The following RYR3 variants were observed in gnomAD, a reference collection of about 807,000 sequenced individuals.
RYR3 encodes brain ryanodine receptor-calcium release channel.
RYR3 carries 207 observed loss-of-function variants against 584.3 expected under a neutral mutation model. The observed-to-expected ratio is 0.35, with a 90% CI of 0.32 to 0.40. The LOEUF is 0.40. Ranked by LOEUF, RYR3 falls within the 10% of genes least tolerant of loss-of-function variation. The pLI, the probability that RYR3 is intolerant of heterozygous loss-of-function variation, is 1.00. For synonymous variants in RYR3, 2,416 were observed against 2,248.5 expected, an observed-to-expected ratio of 1.07 and a Z score of -2.11; for missense variants, 5,616 against 6,089.2, an observed-to-expected ratio of 0.92 and a Z score of 2.59.
intron 58 of RYR3, 92 bp from the exon 59 acceptor site, chr15:33,756,214 A>G (rs2071805610): frequency 1.2e-6 from 1 of 832,508 alleles, no homozygotes; most frequent in Non-Finnish European, 2.0e-6. Flanking sequence ...CTTTTTAAAT[A>G]GCCTTTAGAA....
chr15:33,808,019 CA>C (rs1288267021), intron 70 of RYR3, among the ~76,000 whole-genome samples: 6 of 152,182 alleles, frequency 3.9e-5, no homozygotes, highest in African/African-American at 1.2e-4. Context: ...GAGAGTCTTC[CA>C]AAGCCTACCC....
At chr15:33,860,724 T>G in intron 101 of RYR3, 65 bp downstream of exon 101, 3 of 1,229,824 alleles carry the variant, frequency 2.4e-6, no homozygotes, top group Non-Finnish European at 3.5e-6. Flanking sequence ...ATAGATTTTT[T>G]AAACAATAGG....
intron 3 of RYR3, among the ~76,000 whole-genome samples, chr15:33,508,466 A>G (rs890279310): frequency 2.6e-5 from 4 of 152,026 alleles, no homozygotes; most frequent in South Asian, 2.1e-4. Context: ...TGGCTAACAC[A>G]GTGAAACCCC....
At chr15:33,691,541 GT>G (rs1273633672) in intron 38 of RYR3, among the ~76,000 whole-genome samples, 1 of 151,350 alleles carries the variant, frequency 6.6e-6, no homozygotes, top group Non-Finnish European at 1.5e-5. Context: ...TTTTTCATTT[GT>G]TCAAGTTAAC....
intron 83 of RYR3, 110 bp from the exon 84 acceptor site, chr15:33,826,562 T>C: frequency 4.8e-6 from 5 of 1,048,204 alleles, no homozygotes; most frequent in South Asian, 2.6e-5. Context: ...AAGTTCCTTT[T>C]CCAAACCATT....
At chr15:33,516,571 A>G (rs1190698732) in intron 3 of RYR3, among the ~76,000 whole-genome samples, 1 of 152,048 alleles carries the variant, frequency 6.6e-6, no homozygotes, top group Non-Finnish European at 1.5e-5. Context: ...CCTGACCTCA[A>G]GTGATCCACC....
chr15:33,367,100 T>A (rs1450739939), intron 1 of RYR3, among the ~76,000 whole-genome samples: 3 of 152,240 alleles, frequency 2.0e-5, no homozygotes, highest in Non-Finnish European at 4.4e-5. Context: ...TTACAAAGCC[T>A]ATTTTTATTA....
intron 3 of RYR3, among the ~76,000 whole-genome samples, chr15:33,520,749 G>A (rs1316856957): frequency 6.6e-6 from 1 of 151,802 alleles, no homozygotes; most frequent in African/African-American, 2.4e-5. Context: ...TTGGCTCACT[G>A]TTCTCTCCAT....
intron 3 of RYR3, among the ~76,000 whole-genome samples, chr15:33,526,906 A>G (rs1008373513): frequency 6.6e-6 from 1 of 152,230 alleles, no homozygotes; most frequent in Admixed American, 6.5e-5. Flanking sequence ...CCAGAGAAGA[A>G]TTCTCTCATA....
intron 69 of RYR3, chr15:33,802,213 AT>A: frequency 1.7e-6 from 1 of 579,744 alleles, no homozygotes; most frequent in Admixed American, 2.3e-5. Context: ...TGCCTAAGGC[AT>A]TTGAGAGGTC....
At chr15:33,376,751 G>A (rs993328623) in intron 1 of RYR3, among the ~76,000 whole-genome samples, 2 of 152,116 alleles carry the variant, frequency 1.3e-5, no homozygotes, top group South Asian at 2.1e-4. Context: ...TTTATGGTCC[G>A]AACTTTCACA....
At chr15:33,864,739 A>C (rs759584715) in intron 103 of RYR3, 10 of 190,522 alleles carry the variant, frequency 5.2e-5, no homozygotes, top group Non-Finnish European at 9.8e-5. Flanking sequence ...CAGTTCACTC[A>C]TTCAATGGGA....
chr15:33,646,723 T>C (rs1342002942), intron 29 of RYR3, among the ~76,000 whole-genome samples, 197 bp downstream of exon 29: 1 of 152,238 alleles, frequency 6.6e-6, no homozygotes, highest in African/African-American at 2.4e-5. Flanking sequence ...CAGTGCATAA[T>C]TAAGGCACCA....
intron 1 of RYR3, among the ~76,000 whole-genome samples, chr15:33,453,661 T>C (rs1265504717): frequency 1.3e-5 from 2 of 152,196 alleles, no homozygotes; most frequent in African/African-American, 2.4e-5. Context: ...AAAATATGCA[T>C]GTGGAGTTGC....
chr15:33,344,962 C>T (rs190358453), intron 1 of RYR3, among the ~76,000 whole-genome samples: 5 of 152,360 alleles, frequency 3.3e-5, no homozygotes, highest in Non-Finnish European at 2.9e-5. Flanking sequence ...AATTCTCCCA[C>T]ATTTTGCAGG....
chr15:33,736,342 T>C lies in RYR3; in HGVS notation c.7515+17T>C. 6.4e-7 allele frequency: 1 copy of C among 1,559,256 alleles called. No individual in the cohort carries two copies. The highest frequency in any genetic ancestry group is 8.8e-7 in the Non-Finnish European group (1 of 1,134,444). ...CCTCTCAAGGTAAACATCACTATTG[T>C]TACAGAAATACAGTCTATTGCACAG... On this transcript the variant is annotated intron_variant, in intron 49 of 103. Transcript: ENST00000634891.
At chr15:33,620,182 G>A (rs16973341) in intron 19 of RYR3, among the ~76,000 whole-genome samples, 2,640 of 152,188 alleles carry the variant, frequency 0.017, 75 homozygotes, top group African/African-American at 0.057. Flanking sequence ...GTCACCCTGA[G>A]CGAAAGGGCA....
At chr15:33,652,031 T>C (rs2062506558) in intron 31 of RYR3, among the ~76,000 whole-genome samples, 1 of 152,196 alleles carries the variant, frequency 6.6e-6, no homozygotes, top group African/African-American at 2.4e-5. Flanking sequence ...TATTATAGTT[T>C]GCTTTTAAGT....
At chr15:33,550,413 C>A in intron 10 of RYR3, 97 bp downstream of exon 10, 6 of 1,263,334 alleles carry the variant, frequency 4.7e-6, no homozygotes, top group East Asian at 2.6e-5. Context: ...TAGGCTGGAA[C>A]AAAGTGAAAT....
Sources: allele counts gnomAD v4.1 joint callset (sites outside exome capture counted in the v4.1 genomes callset), GRCh38; gene constraint gnomAD v4.1.1; transcripts MANE v1.5; gene names NCBI Gene and HGNC (gene_info 2026-07-23, HGNC 2026-07-21).